GRIA4: variants seen among roughly 807,000 people sequenced by gnomAD.
GRIA4 encodes the protein glutamate receptor 4.
GRIA4 carries 34 observed loss-of-function variants against 104.0 expected under a neutral mutation model. The ratio of observed to expected loss-of-function variants is 0.33; its 90% confidence interval spans 0.25 to 0.44. GRIA4 has a LOEUF of 0.44. Among genes scored for constraint, GRIA4 ranks in the 20% least tolerant of loss-of-function variants. The pLI is 1.00. For synonymous variants in GRIA4, 386 were observed against 381.9 expected (o/e 1.01, Z -0.13); for missense variants, 750 against 1,096.5 (o/e 0.68, Z 4.46).
intron 14 of GRIA4, among the ~76,000 whole-genome samples, chr11:105,944,884 C>T (rs1948270101): frequency 6.6e-6 from 1 of 152,134 alleles, no homozygotes; most frequent in Admixed American, 6.6e-5. Flanking sequence ...CTGCCATTTC[C>T]CATTGTGAAA....
Position 105,615,169 on chromosome 11 carries a change from G to T in GRIA4, c.247+2735G>T, listed in dbSNP as rs76993151. On this transcript the variant is annotated intron_variant, in intron 3 of 16. Transcript: ENST00000282499. Reference sequence around the variant, plus strand: ...TAAACAGTATATGTTTAATTATTTTGTGGAATGTATACTCAAAAAAAACAC... The same window carrying T: ...TAAACAGTATATGTTTAATTATTTTTTGGAATGTATACTCAAAAAAAACAC... Among the ~76,000 whole-genome samples, 335 of 151,814 alleles carry T rather than the reference G, an allele frequency of 2.2e-3. 1 individual carries two copies. The highest frequency in any genetic ancestry group is 7.8e-3 in the African/African-American group (324 of 41,482).
intron 3 of GRIA4, among the ~76,000 whole-genome samples, chr11:105,653,893 C>T (rs1033880944): frequency 6.7e-6 from 1 of 148,874 alleles, no homozygotes; most frequent in South Asian, 2.2e-4. Context: ...TTTGTTTTTG[C>T]TCTAGAATAC....
chr11:105,924,198 G>T (rs1276141028), intron 11 of GRIA4, among the ~76,000 whole-genome samples: 2 of 152,086 alleles, frequency 1.3e-5, no homozygotes, highest in Admixed American at 1.3e-4. Flanking sequence ...ATATTAAAAT[G>T]TTTTGTGCAA....
intron 14 of GRIA4, among the ~76,000 whole-genome samples, chr11:105,956,164 C>CA (rs1948584564): frequency 4.5e-3 from 3 of 674 alleles, no homozygotes; most frequent in African/African-American, 7.7e-3. Flanking sequence ...GCACAATATG[C>CA]AGGTTACATA....
chr11:105,759,682 T>C (rs1159094156), intron 4 of GRIA4, among the ~76,000 whole-genome samples: 1 of 152,170 alleles, frequency 6.6e-6, no homozygotes, highest in Non-Finnish European at 1.5e-5. Flanking sequence ...TTCTCTTGCC[T>C]TGACAGCTTT....
At chr11:105,696,908 G>A (rs1249158344) in intron 3 of GRIA4, among the ~76,000 whole-genome samples, 1 of 151,972 alleles carries the variant, frequency 6.6e-6, no homozygotes, top group Non-Finnish European at 1.5e-5. Flanking sequence ...GGGATTATAG[G>A]CACGTGCCAC....
intron 4 of GRIA4, among the ~76,000 whole-genome samples, chr11:105,794,465 A>ATATGTATG (rs1276582241): frequency 9.6e-5 from 5 of 52,328 alleles, no homozygotes; most frequent in Admixed American, 4.1e-4. Flanking sequence ...GTGTGTGTGT[A>ATATGTATG]TATGTATGTA....
intron 3 of GRIA4, among the ~76,000 whole-genome samples, chr11:105,747,727 C>A (rs966630915): frequency 6.6e-6 from 1 of 151,970 alleles, no homozygotes; most frequent in African/African-American, 2.4e-5. Flanking sequence ...TTGATCAAAA[C>A]CAAAAAGATT....
At chr11:105,877,774 T>G (rs953793729) in intron 5 of GRIA4, among the ~76,000 whole-genome samples, 4 of 152,246 alleles carry the variant, frequency 2.6e-5, no homozygotes, top group African/African-American at 9.6e-5. Context: ...ATTTATGTTC[T>G]TCTCCAAACT....
chr11:105,978,221 A>C (rs1859088707), intron 16 of GRIA4, among the ~76,000 whole-genome samples: 1 of 152,066 alleles, frequency 6.6e-6, no homozygotes, highest in African/African-American at 2.4e-5. Flanking sequence ...TTATGTGCTA[A>C]ATAAAAGACA....
intron 3 of GRIA4, among the ~76,000 whole-genome samples, chr11:105,695,498 G>A (rs1328738112): frequency 8.3e-6 from 1 of 120,406 alleles, no homozygotes; most frequent in African/African-American, 3.1e-5. Flanking sequence ...GTGTGTGTGT[G>A]TGTCTGTGTG....
Position 105,979,644 on chromosome 11 carries a change from C to T in GRIA4, c.2614C>T (p.Arg872Cys), listed in dbSNP as rs753128162. 5.6e-6 allele frequency: 9 copies of T among 1,613,148 alleles called. No individual in the cohort carries two copies. The highest frequency in any genetic ancestry group is 2.2e-5 in the South Asian group (2 of 91,040). The change falls in exon 17 of 17, where the codon CGC becomes TGC. Residue 872 changes from arginine to cysteine, a missense_variant. Around this residue, in one of 3 missense-constraint regions of GRIA4, gnomAD observed 68 missense variants for 69.3 expected, o/e 0.98. Transcript: ENST00000282499. ...SITGSVGENG[R>C]VLTPDCPKAV... ...CACTGGGAGTGTGGGAGAGAATGGCCGCGTCTTGACGCCTGACTGCCCAAA... is the reference window on the plus strand; with the variant it reads ...CACTGGGAGTGTGGGAGAGAATGGCTGCGTCTTGACGCCTGACTGCCCAAA...
chr11:105,778,182 C>T (rs1476537887), intron 4 of GRIA4, among the ~76,000 whole-genome samples: 2 of 152,162 alleles, frequency 1.3e-5, no homozygotes, highest in African/African-American at 2.4e-5. Flanking sequence ...TTCTCCCTGT[C>T]CAAACAACTG....
intron 14 of GRIA4, among the ~76,000 whole-genome samples, chr11:105,969,614 A>C (rs1300616120): frequency 6.6e-6 from 1 of 152,156 alleles, no homozygotes; most frequent in Non-Finnish European, 1.5e-5. Flanking sequence ...AGAAACTTAA[A>C]GGAAACTCTC....
chr11:105,733,480 G>A (rs1403544814), intron 3 of GRIA4, among the ~76,000 whole-genome samples: 1 of 151,728 alleles, frequency 6.6e-6, no homozygotes, highest in East Asian at 1.9e-4. Flanking sequence ...TTTTTGAGAC[G>A]GAGTCTGGCT....
chr11:105,781,026 G>C (rs1941704312), intron 4 of GRIA4, among the ~76,000 whole-genome samples: 1 of 152,090 alleles, frequency 6.6e-6, no homozygotes, highest in Non-Finnish European at 1.5e-5. Context: ...CATTTAGACT[G>C]ACTCAAGTTC....
At chr11:105,658,908 G>C (rs1341105918) in intron 3 of GRIA4, among the ~76,000 whole-genome samples, 2 of 151,982 alleles carry the variant, frequency 1.3e-5, no homozygotes, top group Admixed American at 6.6e-5. Flanking sequence ...CAAGATGACA[G>C]ACAGACTGAA....
intron 4 of GRIA4, among the ~76,000 whole-genome samples, chr11:105,805,493 AAAAC>A (rs1483626777): frequency 3.3e-5 from 5 of 151,234 alleles, no homozygotes; most frequent in Middle Eastern, 3.4e-3. Context: ...AAAAAAAAAA[AAAAC>A]AAGCCACAAA....
chr11:105,969,320 A>C (rs971408568), intron 14 of GRIA4, among the ~76,000 whole-genome samples: 3 of 152,222 alleles, frequency 2.0e-5, no homozygotes, highest in African/African-American at 7.2e-5. Context: ...AACAAAAAAC[A>C]CTAAAGGAAT....
Sources: allele counts gnomAD v4.1 joint callset (sites outside exome capture counted in the v4.1 genomes callset), GRCh38; gene constraint gnomAD v4.1.1; regional missense constraint gnomAD v4.1.1; transcripts MANE v1.5; gene names NCBI Gene and HGNC (gene_info 2026-07-23, HGNC 2026-07-21).